TTC12: variants seen among roughly 807,000 people sequenced by gnomAD.
TTC12 encodes tetratricopeptide repeat domain 12.
TTC12 carries 70 observed loss-of-function variants against 90.1 expected under a neutral mutation model. The ratio of observed to expected loss-of-function variants is 0.78; its 90% confidence interval spans 0.64 to 0.95. The LOEUF is 0.95. Among genes scored for constraint, TTC12 ranks in the 40% least tolerant of loss-of-function variants. The pLI, the probability that TTC12 is intolerant of heterozygous loss-of-function variation, is 0.00. For synonymous variants in TTC12, 296 were observed against 311.5 expected (o/e 0.95, Z 0.53); for missense variants, 819 against 846.1 (o/e 0.97, Z 0.40).
intron 7 of TTC12, among the ~76,000 whole-genome samples, chr11:113,332,107 T>C (rs1324763747): frequency 6.6e-6 from 1 of 152,244 alleles, no homozygotes; most frequent in East Asian, 1.9e-4. Flanking sequence ...AAGACTGATG[T>C]TTCTTGTCAA....
chr11:113,357,236 T>C (rs973598905), intron 16 of TTC12, among the ~76,000 whole-genome samples: 3 of 152,208 alleles, frequency 2.0e-5, no homozygotes, highest in African/African-American at 7.2e-5. Flanking sequence ...CACTTGTGAT[T>C]ACATTATGAA....
At chr11:113,317,005 G>A (rs1182019777) in intron 2 of TTC12, among the ~76,000 whole-genome samples, 2 of 152,202 alleles carry the variant, frequency 1.3e-5, no homozygotes, top group African/African-American at 2.4e-5. Context: ...CAGATTGTAT[G>A]GGTTCAAGGA....
intron 2 of TTC12, among the ~76,000 whole-genome samples, chr11:113,320,605 C>G (rs1389609946): frequency 2.0e-5 from 3 of 152,222 alleles, no homozygotes; most frequent in African/African-American, 4.8e-5. Context: ...TGACCTGATT[C>G]TTCCGGGGAT....
intron 21 of TTC12, among the ~76,000 whole-genome samples, chr11:113,372,893 G>A (rs538041666): frequency 6.6e-6 from 1 of 152,184 alleles, no homozygotes; most frequent in South Asian, 2.1e-4. Flanking sequence ...TTGAAGGGCA[G>A]CTCCCCACCA....
intron 16 of TTC12, among the ~76,000 whole-genome samples, chr11:113,358,748 G>A (rs182094004): frequency 3.3e-5 from 5 of 152,252 alleles, no homozygotes; most frequent in African/African-American, 9.6e-5. Context: ...CTGACAACTC[G>A]ATGAGTGTCT....
intron 18 of TTC12, 79 bp from the exon 19 acceptor site, chr11:113,362,322 C>A: frequency 9.3e-7 from 1 of 1,078,848 alleles, no homozygotes; most frequent in Non-Finnish European, 1.4e-6. Context: ...TTTTGCCTCA[C>A]CAAACTCCCC....
At chr11:113,364,432 T>C (rs1203597555) in intron 20 of TTC12, 1 of 246,426 alleles carries the variant, frequency 4.1e-6, no homozygotes, top group East Asian at 9.3e-5. Flanking sequence ...GGCAAGCCTT[T>C]CTCCTGGATC....
At chr11:113,359,866 C>G in intron 17 of TTC12, 74 bp from the exon 18 acceptor site, 1 of 1,226,328 alleles carries the variant, frequency 8.2e-7, no homozygotes, top group Non-Finnish European at 1.2e-6. Context: ...AGACGGTGCT[C>G]AGAAGAAGCT....
At chr11:113,331,619 G>A (rs782631731) in intron 7 of TTC12, among the ~76,000 whole-genome samples, 34 of 152,156 alleles carry the variant, frequency 2.2e-4, no homozygotes, top group African/African-American at 4.8e-4. Context: ...GAAGAAACAC[G>A]ATCTCCTCAC....
intron 8 of TTC12, 35 bp downstream of exon 8, chr11:113,335,072 A>T: frequency 6.8e-7 from 1 of 1,465,306 alleles, no homozygotes; most frequent in South Asian, 1.1e-5. Context: ...GACATGTTTG[A>T]TCACAGACTG....
In TTC12 at chr11:113,344,325, G is replaced by T. The variant is rs201010249; in HGVS notation, c.1039G>T (p.Ala347Ser). ...CCATGACAGGGCCAGGCTGTTGGCC[G>T]CCCTCTTGTCCTCCAAGGTCCTGGC... ...IHHDRARLLAALLSSKVLAIR... is the reference protein window; with the variant it reads ...IHHDRARLLASLLSSKVLAIR... The change falls in exon 13 of 22, where the codon GCC (alanine) becomes TCC (serine). Residue 347 changes from alanine to serine, a missense_variant. Transcript: ENST00000529221. The T allele has an allele frequency of 3.1e-6, 5 of 1,613,972 alleles. No individual in the cohort carries two copies. Among genetic ancestry groups the T allele is most frequent in the African/African-American group, 1.3e-5 (1 of 74,934 alleles).
Position 113,329,900 on chromosome 11 carries a change from A to G in TTC12, c.445-20A>G. On this transcript the variant is annotated intron_variant, in intron 6 of 21. Transcript: ENST00000529221. ...TGATGCAGAATTGTGTGTGAATATC[A>G]GCTGTTGGTTTCATTACAGGCTTAT... The G allele has an allele frequency of 6.2e-7, 1 of 1,607,648 alleles. No individual in the cohort carries two copies. Among genetic ancestry groups the G allele is most frequent in the African/African-American group, 1.3e-5 (1 of 74,896 alleles).
At chr11:113,359,625 G>A (rs542445729) in intron 17 of TTC12, among the ~76,000 whole-genome samples, 164 bp downstream of exon 17, 39 of 152,242 alleles carry the variant, frequency 2.6e-4, no homozygotes, top group Non-Finnish European at 4.4e-4. Flanking sequence ...TTGCTCTGCT[G>A]AGGGATGGAT....
At chr11:113,366,591 G>A (rs1179031467), downstream of TTC12, among the ~76,000 whole-genome samples, 1 of 152,196 alleles carries the variant, frequency 6.6e-6, no homozygotes, top group African/African-American at 2.4e-5. Flanking sequence ...AGACTCCCTT[G>A]TAGCAACGAT....
At position 113,358,747 on chromosome 11, in the gene TTC12, C is replaced by T. The variant is rs546171492; in HGVS notation, c.1447-616C>T. On this transcript the variant is annotated intron_variant, in intron 16 of 21. Transcript: ENST00000529221. ...CTCTAAGCAGCTCTCCCTGACAACTCGATGAGTGTCTGTGCTGGTCAAGGG... is the reference window on the plus strand; with the variant it reads ...CTCTAAGCAGCTCTCCCTGACAACTTGATGAGTGTCTGTGCTGGTCAAGGG... 2.6e-5 allele frequency among the ~76,000 whole-genome samples: 4 copies of T among 152,250 alleles called. No homozygotes were observed. In the East Asian group the frequency reaches 5.8e-4, roughly 22 times the overall value.
intron 21 of TTC12, chr11:113,365,504 C>G (rs1950159905): frequency 4.7e-6 from 1 of 211,658 alleles, no homozygotes; most frequent in Non-Finnish European, 9.8e-6. Context: ...GAACGGCCAG[C>G]AAGGGTCACA....
chr11:113,335,336 T>G (rs782179110), intron 8 of TTC12, among the ~76,000 whole-genome samples: 54 of 152,146 alleles, frequency 3.5e-4, no homozygotes, highest in Non-Finnish European at 5.0e-4. Flanking sequence ...CACCCAAAAG[T>G]AACCATGCAG....
chr11:113,364,546 T>C (rs1480909918), intron 20 of TTC12: 2 of 418,200 alleles, frequency 4.8e-6, no homozygotes, highest in Non-Finnish European at 9.0e-6. Flanking sequence ...AAGAATAGGC[T>C]TTCAAGAAGA....
At chr11:113,335,257 G>C (rs1305565769) in intron 8 of TTC12, among the ~76,000 whole-genome samples, 1 of 152,170 alleles carries the variant, frequency 6.6e-6, no homozygotes, top group African/African-American at 2.4e-5. Flanking sequence ...TCCTCTACCA[G>C]TGTTTGTTCA....
Sources: gnomAD v4.1 joint callset for allele counts (sites outside exome capture counted in the v4.1 genomes callset) on GRCh38, gnomAD v4.1.1 for gene constraint, MANE v1.5 for transcripts, NCBI Gene and HGNC (gene_info 2026-07-23, HGNC 2026-07-21) for gene names.